The following NCMAP variants were observed in gnomAD, a reference collection of about 807,000 sequenced individuals.
NCMAP encodes the protein noncompact myelin-associated protein.
Under a neutral mutation model 7.8 loss-of-function variants are expected in NCMAP, and 8 were observed. That is an observed-to-expected ratio of 1.02 (90% CI 0.60 to 1.84). The LOEUF is 1.84. Among genes scored for constraint, NCMAP ranks in the 40% most tolerant of loss-of-function variants. The pLI is 0.00. For missense variants in NCMAP, 112 were observed against 131.4 expected (o/e 0.85, Z 0.72); for synonymous variants, 41 against 52.9 (o/e 0.78, Z 0.98).
chr1:24,578,262 A>T (rs1202521519), intron 1 of NCMAP, among the ~76,000 whole-genome samples: 1 of 151,512 alleles, frequency 6.6e-6, no homozygotes, highest in Non-Finnish European at 1.5e-5. Flanking sequence ...AAAAAAAAAA[A>T]AAATTGTACC....
intron 1 of NCMAP, among the ~76,000 whole-genome samples, chr1:24,561,367 C>G (rs749821866): frequency 6.6e-6 from 1 of 152,006 alleles, no homozygotes; most frequent in Non-Finnish European, 1.5e-5. Context: ...AAAAGAAATA[C>G]TTACAGTGAT....
chr1:24,579,026 G>A lies in NCMAP; in HGVS notation c.-7-16398G>A, dbSNP rs115837699. Among the ~76,000 whole-genome samples the A allele has an allele frequency of 4.6e-3, 698 of 152,186 alleles. 1 individual carries two copies. The highest frequency in any genetic ancestry group is 0.016 in the African/African-American group (670 of 41,546). ...CCCACCCCAGTCAGGCTGGTTACCCGCAGACTGTGCCCGGCAGCGCGGACC... is the reference window on the plus strand; with the variant it reads ...CCCACCCCAGTCAGGCTGGTTACCCACAGACTGTGCCCGGCAGCGCGGACC... On this transcript the variant is annotated intron_variant, in intron 1 of 3. Transcript: ENST00000374392.
chr1:24,568,513 G>A (rs2148926789), intron 1 of NCMAP, among the ~76,000 whole-genome samples: 1 of 152,268 alleles, frequency 6.6e-6, no homozygotes, highest in Middle Eastern at 3.4e-3. Flanking sequence ...GAGGAGGGGA[G>A]AGAAAGGAAA....
chr1:24,573,753 C>G lies in NCMAP; in HGVS notation c.-8+17584C>G, dbSNP rs1457379254. Among the ~76,000 whole-genome samples, 2 of 150,096 alleles carry G rather than the reference C, an allele frequency of 1.3e-5. 1 individual carries two copies. The highest frequency in any genetic ancestry group is 5.1e-5 in the African/African-American group (2 of 39,546). On this transcript the variant is annotated intron_variant, in intron 1 of 3. Transcript: ENST00000374392. ...AGGAGTTCGAGACCAGCCTGGGCAA[C>G]ATAGTAAAACCCCATCTCCAGAAAA...
At chr1:24,570,352 G>A (rs947229907) in intron 1 of NCMAP, among the ~76,000 whole-genome samples, 3 of 150,672 alleles carry the variant, frequency 2.0e-5, no homozygotes, top group Admixed American at 6.6e-5. Context: ...TAGATTAGTC[G>A]AGTGCAGTGG....
At chr1:24,573,710 G>C (rs1651456896) in intron 1 of NCMAP, among the ~76,000 whole-genome samples, 1 of 150,532 alleles carries the variant, frequency 6.6e-6, no homozygotes, top group South Asian at 2.1e-4. Flanking sequence ...GGCCGAAGCA[G>C]GAGGCTCTCT....
intron 1 of NCMAP, among the ~76,000 whole-genome samples, chr1:24,561,428 C>T (rs1651048831): frequency 6.6e-6 from 1 of 152,170 alleles, no homozygotes; most frequent in Admixed American, 6.5e-5. Context: ...ACCTGAAAGT[C>T]GCTTTTTCCT....
chr1:24,582,329 A>C (rs1230733946), intron 1 of NCMAP, among the ~76,000 whole-genome samples: 3 of 152,212 alleles, frequency 2.0e-5, no homozygotes, highest in Non-Finnish European at 4.4e-5. Flanking sequence ...ATGGCCTCCC[A>C]AAAACATCCT....
At chr1:24,598,937 A>T (rs528480586) in intron 2 of NCMAP, among the ~76,000 whole-genome samples, 2 of 151,334 alleles carry the variant, frequency 1.3e-5, no homozygotes, top group Admixed American at 1.3e-4. Flanking sequence ...CAAACCCAGC[A>T]GTTCTTGATA....
In NCMAP at chr1:24,580,122, G is replaced by A. The variant is rs151207932; in HGVS notation, c.-7-15302G>A. 5.0e-3 allele frequency among the ~76,000 whole-genome samples: 757 copies of A among 152,320 alleles called. 13 individuals carry two copies. The highest frequency in any genetic ancestry group is 0.017 in the African/African-American group (707 of 41,570). On this transcript the variant is annotated intron_variant, in intron 1 of 3. Transcript: ENST00000374392. The stretch of plus-strand genomic sequence containing the variant: ...CCACACTGTGAGGGCCACAGCCTGC[G>A]GCAGCACTGCCCAAAATGACTTGAC...
At chr1:24,578,108 C>T (rs1651639483) in intron 1 of NCMAP, among the ~76,000 whole-genome samples, 1 of 151,850 alleles carries the variant, frequency 6.6e-6, no homozygotes, top group African/African-American at 2.4e-5. Context: ...ACTAAAAATA[C>T]AAAAGTATTA....
At chr1:24,591,912 T>C (rs890165265) in intron 1 of NCMAP, among the ~76,000 whole-genome samples, 4 of 152,228 alleles carry the variant, frequency 2.6e-5, no homozygotes, top group Non-Finnish European at 5.9e-5. Context: ...GGCAGGCCAC[T>C]GCCACCAGAG....
intron 1 of NCMAP, among the ~76,000 whole-genome samples, chr1:24,567,890 G>C (rs1180927558): frequency 6.6e-6 from 1 of 152,084 alleles, no homozygotes; most frequent in Non-Finnish European, 1.5e-5. Context: ...AGAGGTGGCG[G>C]GGGCTGAAGT....
At chr1:24,563,244 G>A (rs1057104298) in intron 1 of NCMAP, among the ~76,000 whole-genome samples, 4 of 152,176 alleles carry the variant, frequency 2.6e-5, no homozygotes, top group Admixed American at 1.3e-4. Context: ...TGACTTGGCC[G>A]GGCAAGGTGG....
intron 1 of NCMAP, among the ~76,000 whole-genome samples, chr1:24,558,350 G>A (rs1650964587): frequency 6.6e-6 from 1 of 152,204 alleles, no homozygotes; most frequent in Non-Finnish European, 1.5e-5. Flanking sequence ...AGGGGCTCAA[G>A]GAATCTATGT....
chr1:24,597,617 G>GAAAA (rs1322815675), intron 2 of NCMAP, among the ~76,000 whole-genome samples: 1 of 87,484 alleles, frequency 1.1e-5, no homozygotes. Context: ...AAGAAAGAAA[G>GAAAA]AGAAAGAAAG....
chr1:24,566,378 G>A (rs925695515), intron 1 of NCMAP, among the ~76,000 whole-genome samples: 1 of 152,178 alleles, frequency 6.6e-6, no homozygotes, highest in African/African-American at 2.4e-5. Flanking sequence ...GGCAGTGGCC[G>A]GGTCACACTG....
chr1:24,582,141 G>C (rs1651765148), intron 1 of NCMAP, among the ~76,000 whole-genome samples: 1 of 152,084 alleles, frequency 6.6e-6, no homozygotes, highest in Admixed American at 6.6e-5. Context: ...GCAACCTCCT[G>C]ATTCGTTGCT....
At chr1:24,565,132 G>T (rs1379396884) in intron 1 of NCMAP, among the ~76,000 whole-genome samples, 1 of 140,720 alleles carries the variant, frequency 7.1e-6, no homozygotes, top group African/African-American at 2.7e-5. Flanking sequence ...GGCAGGAGGG[G>T]ATTTTATACA....
Sources: gnomAD v4.1 joint callset for allele counts (sites outside exome capture counted in the v4.1 genomes callset) on GRCh38, gnomAD v4.1.1 for gene constraint, MANE v1.5 for transcripts, NCBI Gene and HGNC (gene_info 2026-07-23, HGNC 2026-07-21) for gene names.